SRP9: variants seen among roughly 807,000 people sequenced by gnomAD.
SRP9 encodes the protein signal recognition particle 9, also known as signal recognition particle 9 kDa protein.
A neutral mutation model predicts 11.7 loss-of-function variants in SRP9; 2 were observed. The ratio of observed to expected loss-of-function variants is 0.17; its 90% CI spans 0.07 to 0.54. The LOEUF is 0.54. Among genes scored for constraint, SRP9 ranks in the 20% least tolerant of loss-of-function variants. The pLI is 0.94. For synonymous variants in SRP9, 27 were observed against 35.6 expected (o/e 0.76, Z 0.86); for missense variants, 54 against 108.1 (o/e 0.50, Z 2.22).
chr1:225,789,465 A>G lies in SRP9; in HGVS notation c.*106A>G, dbSNP rs528145770. On this transcript the variant is annotated 3_prime_UTR_variant, in exon 3 of 3. Coordinates refer to ENST00000304786, the MANE Select transcript of SRP9 (RefSeq NM_003133.6). ...CTTTATGTAACTAAGTGGGCTGTTCAGAAGCTTAGAGGTCATTTTTTGTAA... is the reference window on the plus strand; with the variant it reads ...CTTTATGTAACTAAGTGGGCTGTTCGGAAGCTTAGAGGTCATTTTTTGTAA... 7.0e-5 allele frequency: 93 copies of G among 1,335,240 alleles called. 1 individual carries two copies. In the South Asian group the frequency reaches 1.4e-3, roughly 19 times the overall value. The allele number at this position is 1,335,240 out of a possible 1,614,324, so 82.7% of individuals were successfully genotyped here.
intron 2 of SRP9, among the ~76,000 whole-genome samples, chr1:225,784,342 G>T (rs1575953307): frequency 7.3e-6 from 1 of 137,512 alleles, no homozygotes; most frequent in South Asian, 2.3e-4. Flanking sequence ...TGCCTCCCGG[G>T]TTCATGCCAT....
chr1:225,781,386 TTTCTTTTTC>T (rs1665795043), intron 1 of SRP9, among the ~76,000 whole-genome samples: 3 of 137,884 alleles, frequency 2.2e-5, no homozygotes, highest in Admixed American at 7.4e-5. Context: ...CCTTTTTTCT[TTTCTTTTTC>T]TTTTTTTTTT....
At chr1:225,779,114 C>T (rs1665744149) in intron 1 of SRP9, among the ~76,000 whole-genome samples, 1 of 151,082 alleles carries the variant, frequency 6.6e-6, no homozygotes, top group Non-Finnish European at 1.5e-5. Flanking sequence ...TCTCGGAAAA[C>T]CGGGGCTCAG....
intron 1 of SRP9, among the ~76,000 whole-genome samples, chr1:225,779,474 T>C (rs1213828519): frequency 6.6e-6 from 1 of 152,230 alleles, no homozygotes; most frequent in Admixed American, 6.5e-5. Context: ...GTGAAACTAT[T>C]GATGATCATT....
At chr1:225,787,017 A>G (rs912655731) in intron 2 of SRP9, 4 of 336,126 alleles carry the variant, frequency 1.2e-5, no homozygotes, top group Non-Finnish European at 1.7e-5. Flanking sequence ...TAATTTTTAA[A>G]TTTTTTTGTC....
intron 2 of SRP9, chr1:225,789,001 T>G: frequency 6.5e-7 from 1 of 1,549,788 alleles, no homozygotes; most frequent in African/African-American, 1.4e-5. Context: ...TTCAGAAGCT[T>G]CTAATAGACT....
At chr1:225,789,015 T>C (rs1665970797) in intron 2 of SRP9, 1 of 1,550,486 alleles carries the variant, frequency 6.4e-7, no homozygotes, top group Non-Finnish European at 8.7e-7. Flanking sequence ...ATAGACTTCA[T>C]TCAGTTTTTT....
chr1:225,787,537 AAAAAT>A lies in SRP9; in HGVS notation c.142-1695_142-1691del, dbSNP rs762053466. Among the ~76,000 whole-genome samples the A allele has an allele frequency of 2.6e-4, 39 of 152,310 alleles. 1 individual carries two copies. In the Middle Eastern group the frequency reaches 0.017, roughly 66 times the overall value. ...TGACAGAACTAGACTCGGTCTCAAA[AAAAAT>A]AAAATAAGGGAATAAATGCAGAACG... is the stretch of plus-strand genomic sequence containing the variant. On this transcript the variant is annotated intron_variant, in intron 2 of 2. Coordinates refer to ENST00000304786, the MANE Select transcript of SRP9 (RefSeq NM_003133.6).
intron 2 of SRP9, among the ~76,000 whole-genome samples, chr1:225,784,814 C>T (rs1370028615): frequency 6.6e-6 from 1 of 151,964 alleles, no homozygotes; most frequent in Non-Finnish European, 1.5e-5. Context: ...TGCACTCCAG[C>T]CTGGGTGACA....
intron 2 of SRP9, among the ~76,000 whole-genome samples, chr1:225,785,699 T>A (rs1173115927): frequency 8.0e-5 from 12 of 149,526 alleles, no homozygotes; most frequent in Admixed American, 4.0e-4. Flanking sequence ...TTTTTTTTTT[T>A]AAAGAAGGAG....
intron 2 of SRP9, among the ~76,000 whole-genome samples, chr1:225,787,250 A>G (rs1665937155): frequency 6.6e-6 from 1 of 152,164 alleles, no homozygotes; most frequent in South Asian, 2.1e-4. Flanking sequence ...AAATAGGGGA[A>G]TAGGCCGGGC....
intron 2 of SRP9, among the ~76,000 whole-genome samples, chr1:225,786,704 T>A (rs1665923065): frequency 6.6e-6 from 1 of 152,218 alleles, no homozygotes; most frequent in African/African-American, 2.4e-5. Context: ...GGCCAAAAAT[T>A]TAGCCTTCTG....
chr1:225,788,338 A>G (rs747071826), intron 2 of SRP9, among the ~76,000 whole-genome samples: 1 of 151,808 alleles, frequency 6.6e-6, no homozygotes, highest in Non-Finnish European at 1.5e-5. Flanking sequence ...GTGAGCTGAG[A>G]TTGCACCACT....
rs1177171727 is a variant in SRP9 at position 225,777,902 on chromosome 1, G to T, written c.-39G>T. The T allele has an allele frequency of 5.7e-6, 9 of 1,587,606 alleles. No homozygotes were observed. The highest frequency in any genetic ancestry group is 7.8e-6 in the Non-Finnish European group (9 of 1,158,176). On this transcript the variant is annotated 5_prime_UTR_variant, in exon 1 of 3. Transcript: ENST00000304786. ...TAGGTAGTTTGTTGGGCCGGGTTCT[G>T]AGGCCTTGCTTCTCTTTACTTTTCC...
chr1:225,785,883 A>C lies in SRP9; in HGVS notation c.141+2515A>C, dbSNP rs574038723. Among the ~76,000 whole-genome samples, 28 of 151,446 alleles carry C rather than the reference A, an allele frequency of 1.8e-4. 2 individuals are homozygous for C. The South Asian group carries it at 4.0e-3, about 21-fold the overall frequency. On this transcript the variant is annotated intron_variant, in intron 2 of 2. Transcript: ENST00000304786. ...TTTTTAGTAGAGATGAGATTTCACC[A>C]TGTCGCCCAGGCGGCTGGAGTTGAA...
intron 1 of SRP9, among the ~76,000 whole-genome samples, chr1:225,782,793 C>T (rs1420486954): frequency 1.3e-5 from 2 of 152,166 alleles, no homozygotes; most frequent in African/African-American, 4.8e-5. Context: ...CCTGATTTTG[C>T]TGAATATTTT....
chr1:225,788,791 T>C (rs1665966235), intron 2 of SRP9, among the ~76,000 whole-genome samples: 1 of 152,196 alleles, frequency 6.6e-6, no homozygotes, highest in African/African-American at 2.4e-5. Context: ...TAAAAATTAT[T>C]ATCAAACCCC....
At chr1:225,785,604 A>G (rs889522415) in intron 2 of SRP9, among the ~76,000 whole-genome samples, 1 of 145,648 alleles carries the variant, frequency 6.9e-6, no homozygotes, top group Non-Finnish European at 1.5e-5. Context: ...ATGGTCTCGA[A>G]CTCCTGACCT....
In SRP9 at chr1:225,789,235, G is replaced by C; in HGVS notation, c.142-5G>C. 6.2e-7 allele frequency: 1 copy of C among 1,611,044 alleles called. No homozygotes were observed. Among genetic ancestry groups the C allele is most frequent in the South Asian group, 1.1e-5 (1 of 90,500 alleles). On this transcript the variant is annotated splice_polypyrimidine_tract_variant and splice_region_variant and intron_variant, in intron 2 of 2. Transcript: ENST00000304786. ...GTTAATATGTACTTCTAAAATTTCT[G>C]ACAGTGTTTGGTGTATAAAACAGAC...
Sources: gnomAD v4.1 joint callset for allele counts (sites outside exome capture counted in the v4.1 genomes callset) on GRCh38, gnomAD v4.1.1 for gene constraint, MANE v1.5 for transcripts, NCBI Gene and HGNC (gene_info 2026-07-23, HGNC 2026-07-21) for gene names.